CAMTA1: variants seen among roughly 807,000 people sequenced by gnomAD.
CAMTA1 encodes the protein calmodulin-binding transcription activator 1.
A neutral mutation model predicts 170.9 loss-of-function variants in CAMTA1; 27 were observed. The observed-to-expected ratio is 0.16, with a 90% CI of 0.12 to 0.22. The LOEUF (loss-of-function observed/expected upper bound fraction) is 0.22, where lower values mean the gene tolerates loss of function less well. Among genes scored for constraint, CAMTA1 ranks in the 10% least tolerant of loss-of-function variants. CAMTA1 has a pLI of 1.00. For synonymous variants in CAMTA1, 833 were observed against 891.5 expected, an observed-to-expected ratio of 0.93 and a Z score of 1.17; for missense variants, 1,619 against 2,217.2, an observed-to-expected ratio of 0.73 and a Z score of 5.42.
At chr1:7,068,175 C>G (rs1572820314) in intron 3 of CAMTA1, among the ~76,000 whole-genome samples, 1 of 152,288 alleles carries the variant, frequency 6.6e-6, no homozygotes, top group East Asian at 1.9e-4. Context: ...TACTTGAAAG[C>G]AAAAGACATC....
intron 18 of CAMTA1, among the ~76,000 whole-genome samples, chr1:7,747,329 A>G (rs2096864143): frequency 6.6e-6 from 1 of 152,190 alleles, no homozygotes; most frequent in Non-Finnish European, 1.5e-5. Flanking sequence ...AGATTCTCAA[A>G]GTAGTCTCTA....
chr1:6,841,109 T>C (rs182580984), intron 3 of CAMTA1, among the ~76,000 whole-genome samples: 1 of 152,326 alleles, frequency 6.6e-6, no homozygotes, highest in African/African-American at 2.4e-5. Context: ...TCCTTCATCC[T>C]TGATGCCAGC....
intron 6 of CAMTA1, among the ~76,000 whole-genome samples, chr1:7,491,093 G>A (rs2093696374): frequency 6.6e-6 from 1 of 152,062 alleles, no homozygotes; most frequent in Admixed American, 6.5e-5. Flanking sequence ...AAACAAAAAG[G>A]AGGCTCTAGC....
intron 4 of CAMTA1, among the ~76,000 whole-genome samples, chr1:7,164,575 G>A (rs1647974198): frequency 6.6e-6 from 1 of 152,202 alleles, no homozygotes; most frequent in South Asian, 2.1e-4. Context: ...CCTAGGACTG[G>A]CCCATCCTGT....
At chr1:7,273,344 A>G (rs1670126010) in intron 5 of CAMTA1, among the ~76,000 whole-genome samples, 1 of 152,262 alleles carries the variant, frequency 6.6e-6, no homozygotes, top group East Asian at 1.9e-4. Context: ...TCCACCGACT[A>G]ATAAACAAAA....
intron 3 of CAMTA1, among the ~76,000 whole-genome samples, chr1:7,038,963 C>G (rs1404299804): frequency 6.6e-6 from 1 of 152,134 alleles, no homozygotes; most frequent in Non-Finnish European, 1.5e-5. Flanking sequence ...TTGTTTCAAC[C>G]TGGGAGGTGG....
At position 7,317,422 on chromosome 1, in the gene CAMTA1, AATG is replaced by A. The variant is rs1328848583; in HGVS notation, c.438+67802_438+67804del. Among the ~76,000 whole-genome samples the A allele has an allele frequency of 2.0e-5, 3 of 152,222 alleles. No individual in the cohort carries two copies. In the East Asian group the frequency reaches 5.8e-4, roughly 29 times the overall value. ...TCCCTGTCCTCATCTGCAAAATGGAAATGATGATAGAATCACTGTGAGGGTTCA... is the reference window on the plus strand; with the variant it reads ...TCCCTGTCCTCATCTGCAAAATGGAAATGATAGAATCACTGTGAGGGTTCA... On this transcript the variant is annotated intron_variant, in intron 5 of 22. Coordinates refer to ENST00000303635, the MANE Select transcript of CAMTA1 (RefSeq NM_015215.4).
intron 3 of CAMTA1, among the ~76,000 whole-genome samples, chr1:7,053,051 C>T (rs571267456): frequency 1.3e-5 from 2 of 152,302 alleles, no homozygotes; most frequent in Admixed American, 6.5e-5. Flanking sequence ...TGGGAAAGAG[C>T]GGACACAGCC....
chr1:7,073,648 T>C (rs189793951), intron 3 of CAMTA1, among the ~76,000 whole-genome samples: 89 of 152,268 alleles, frequency 5.8e-4, no homozygotes, highest in Non-Finnish European at 1.1e-3. Context: ...GAGAGGGTTA[T>C]CAAAAGATGC....
At chr1:7,178,670 G>C (rs1319904999) in intron 4 of CAMTA1, among the ~76,000 whole-genome samples, 1 of 152,170 alleles carries the variant, frequency 6.6e-6, no homozygotes, top group South Asian at 2.1e-4. Flanking sequence ...CCCTGAATGG[G>C]TAGGGTGGGG....
At chr1:7,486,647 A>G (rs956509520) in intron 6 of CAMTA1, among the ~76,000 whole-genome samples, 2 of 152,180 alleles carry the variant, frequency 1.3e-5, no homozygotes, top group African/African-American at 4.8e-5. Context: ...CTCCAGACCT[A>G]AGGCTTAGCT....
chr1:7,315,139 T>C (rs1210102596), intron 5 of CAMTA1, among the ~76,000 whole-genome samples: 1 of 152,158 alleles, frequency 6.6e-6, no homozygotes, highest in Non-Finnish European at 1.5e-5. Flanking sequence ...TGGAAAGCAA[T>C]TGGCAGCTGC....
intron 4 of CAMTA1, among the ~76,000 whole-genome samples, chr1:7,135,704 T>G (rs956901954): frequency 6.6e-6 from 1 of 152,200 alleles, no homozygotes; most frequent in African/African-American, 2.4e-5. Context: ...TTATTACAGA[T>G]TGCCTGATTT....
intron 6 of CAMTA1, among the ~76,000 whole-genome samples, chr1:7,576,987 A>G (rs1469001909): frequency 6.6e-6 from 1 of 152,250 alleles, no homozygotes. Flanking sequence ...TAGGTACTCA[A>G]TAGATGCCAG....
In CAMTA1 at chr1:7,732,223, C is replaced by G. The variant is rs1179242811; in HGVS notation, c.2915-225C>G. On this transcript the variant is annotated intron_variant, in intron 11 of 22. Coordinates refer to ENST00000303635, the MANE Select transcript of CAMTA1 (RefSeq NM_015215.4). This position sits in a 1 kb window ranked among gnomAD's most constrained non-coding sequence, Gnocchi z 4.1. ...TTGATCTTTGACAAAAAGAGAATTT[C>G]TGGTCTTTTATCCGAGAACTTCGGG... is the stretch of plus-strand genomic sequence containing the variant. Among the ~76,000 whole-genome samples the G allele has an allele frequency of 2.6e-5, 4 of 152,214 alleles. No individual in the cohort carries two copies. Among genetic ancestry groups the G allele is most frequent in the South Asian group, 4.1e-4 (2 of 4,828 alleles).
At chr1:6,858,885 A>G (rs913827169) in intron 3 of CAMTA1, among the ~76,000 whole-genome samples, 3 of 152,224 alleles carry the variant, frequency 2.0e-5, no homozygotes, top group Admixed American at 6.5e-5. Context: ...CCATTCAGTC[A>G]TAACTGGAAG....
chr1:7,104,015 CACAT>C (rs1185730266), intron 4 of CAMTA1, among the ~76,000 whole-genome samples: 3 of 144,982 alleles, frequency 2.1e-5, no homozygotes, highest in Non-Finnish European at 4.5e-5. Context: ...ACACACTACA[CACAT>C]GTACACACTA....
chr1:7,657,594 G>C (rs115342564), intron 7 of CAMTA1, among the ~76,000 whole-genome samples: 1 of 152,192 alleles, frequency 6.6e-6, no homozygotes, highest in Non-Finnish European at 1.5e-5. Context: ...GCCGGCATGC[G>C]TGGCTATTAA....
At chr1:6,825,256 A>T in intron 3 of CAMTA1, 46 bp downstream of exon 3, 1 of 1,015,304 alleles carries the variant, frequency 9.8e-7, no homozygotes, top group Non-Finnish European at 1.5e-6. Context: ...TTAAGGGCAA[A>T]TTTTTTAGGT....
Sources: allele counts gnomAD v4.1 joint callset (sites outside exome capture counted in the v4.1 genomes callset), GRCh38; gene constraint gnomAD v4.1.1; non-coding constraint Gnocchi (gnomAD v3.1); transcripts MANE v1.5; gene names NCBI Gene and HGNC (gene_info 2026-07-23, HGNC 2026-07-21).